The following TACC1 variants were observed in gnomAD, a reference collection of about 807,000 sequenced individuals.
TACC1 encodes transforming acidic coiled-coil-containing protein 1.
Under a neutral mutation model 84.4 loss-of-function variants are expected in TACC1, and 48 were observed. The ratio of observed to expected loss-of-function variants is 0.57; its 90% CI spans 0.45 to 0.72. The LOEUF is 0.72. Among genes scored for constraint, TACC1 ranks in the 30% least tolerant of loss-of-function variants. TACC1 has a pLI of 0.00. For missense variants in TACC1, 920 were observed against 973.0 expected (o/e 0.95, Z 0.72); for synonymous variants, 372 against 376.3 (o/e 0.99, Z 0.13).
At chr8:38,826,290 A>G (rs1828028922) in intron 4 of TACC1, among the ~76,000 whole-genome samples, 1 of 152,210 alleles carries the variant, frequency 6.6e-6, no homozygotes, top group Non-Finnish European at 1.5e-5. Flanking sequence ...AGTAGGCAGC[A>G]AGAACTATGA....
chr8:38,780,229 A>G (rs1247910879), intron 3 of TACC1, among the ~76,000 whole-genome samples: 2 of 152,338 alleles, frequency 1.3e-5, no homozygotes, highest in African/African-American at 4.8e-5. Context: ...CATCTAATCC[A>G]TCTGGAATTT....
At chr8:38,792,120 A>C (rs1173772804) in intron 2 of TACC1, among the ~76,000 whole-genome samples, 2 of 152,278 alleles carry the variant, frequency 1.3e-5, no homozygotes, top group Non-Finnish European at 2.9e-5. Flanking sequence ...TCCTGGAAAT[A>C]ACCAGACTGG....
chr8:38,746,504 T>C (rs182736311), intron 3 of TACC1, among the ~76,000 whole-genome samples: 4 of 152,356 alleles, frequency 2.6e-5, no homozygotes, highest in Admixed American at 1.3e-4. Flanking sequence ...CCCTCTGAGA[T>C]TTCAATTACA....
At chr8:38,840,471 C>G (rs1349340484) in intron 9 of TACC1, 1 of 446,912 alleles carries the variant, frequency 2.2e-6, no homozygotes, top group South Asian at 3.3e-5. Context: ...GGCTAGCTCT[C>G]TGGGGTCTCT....
At position 38,787,347 on chromosome 8, in the gene TACC1, C is replaced by T; in HGVS notation, c.-236C>T. 1.5e-6 allele frequency: 2 copies of T among 1,302,242 alleles called. No homozygotes were observed. Among genetic ancestry groups the T allele is most frequent in the Non-Finnish European group, 9.7e-7 (1 of 1,028,642 alleles). The allele number at this position is 1,302,242 out of a possible 1,614,324, so 80.7% of individuals were successfully genotyped here. ...TCTTCCCGGCTAGTGGAGCCCGGCG[C>T]GGGGCCCGCTGCGGCCGCACCGTGA... On this transcript the variant is annotated 5_prime_UTR_variant, in exon 1 of 13. Coordinates refer to ENST00000317827, the MANE Select transcript of TACC1 (RefSeq NM_006283.3).
At chr8:38,827,029 T>A (rs1206593634) in intron 4 of TACC1, 139 bp from the exon 5 acceptor site, 3 of 670,744 alleles carry the variant, frequency 4.5e-6, no homozygotes, top group African/African-American at 1.8e-5. Flanking sequence ...AACTTCCTCC[T>A]TGCTTTGTAC....
chr8:38,816,402 G>C (rs1825445216), intron 2 of TACC1, among the ~76,000 whole-genome samples: 1 of 152,056 alleles, frequency 6.6e-6, no homozygotes, highest in Non-Finnish European at 1.5e-5. Context: ...GCACCAACTG[G>C]GTTTCCAAAA....
chr8:38,757,553 G>A (rs1810344067), intron 3 of TACC1: 1 of 1,089,570 alleles, frequency 9.2e-7, no homozygotes, highest in Non-Finnish European at 1.1e-6. Context: ...CGGCAGCGGG[G>A]CACGAGAGTT....
intron 6 of TACC1, among the ~76,000 whole-genome samples, chr8:38,831,565 G>T (rs1002966795): frequency 1.3e-5 from 2 of 152,050 alleles, no homozygotes; most frequent in Admixed American, 1.3e-4. Flanking sequence ...GTGCAATCTT[G>T]GCTAACTGCA....
At chr8:38,832,735 G>A (rs1016147849) in intron 6 of TACC1, among the ~76,000 whole-genome samples, 1 of 152,162 alleles carries the variant, frequency 6.6e-6, no homozygotes, top group Non-Finnish European at 1.5e-5. Flanking sequence ...AGTTTTAAAT[G>A]TTTTAAAAGG....
chr8:38,817,055 C>T (rs1403800498), intron 2 of TACC1, among the ~76,000 whole-genome samples: 1 of 152,190 alleles, frequency 6.6e-6, no homozygotes, highest in African/African-American at 2.4e-5. Context: ...TGTAGGAGCT[C>T]TGTGCCAGGA....
intron 2 of TACC1, among the ~76,000 whole-genome samples, chr8:38,810,448 T>G (rs1823819059): frequency 6.6e-6 from 1 of 151,938 alleles, no homozygotes; most frequent in Non-Finnish European, 1.5e-5. Context: ...AAATTCTTTT[T>G]TTTAATTAGC....
chr8:38,731,737 AAACAACAACAAC>A lies in TACC1; in HGVS notation c.-675+3087_-675+3098del, dbSNP rs56770897. Reference sequence around the variant, plus strand: ...GCTGTTCTCCCAGAGATAAAACTGAAAACAACAACAACAACAACAACAACAACAACAAAACTA... The same window carrying A: ...GCTGTTCTCCCAGAGATAAAACTGAAAACAACAACAACAACAACAAAACTA... On this transcript the variant is annotated intron_variant, in intron 1 of 14. Transcript: ENST00000518415. 4.1e-3 allele frequency among the ~76,000 whole-genome samples: 549 copies of A among 133,148 alleles called. 2 individuals carry two copies. The highest frequency in any genetic ancestry group is 0.013 in the African/African-American group (511 of 38,394). 87.4% of individuals were successfully genotyped at this position (133,148 alleles called of 152,430 possible).
At chr8:38,837,372 G>A (rs1830441144) in intron 7 of TACC1, among the ~76,000 whole-genome samples, 1 of 151,944 alleles carries the variant, frequency 6.6e-6, no homozygotes, top group African/African-American at 2.4e-5. Flanking sequence ...GTGGTGAGCC[G>A]AGATCGCACC....
rs1832851137 is a variant in TACC1, at chr8:38,849,781, T to A, written c.*1758T>A. 6.6e-6 allele frequency: 1 copy of A among 152,622 alleles called. No homozygotes were observed. The highest frequency in any genetic ancestry group is 1.5e-5 in the Non-Finnish European group (1 of 68,034). 9.5% of individuals were successfully genotyped at this position (152,622 alleles called of 1,614,324 possible). A position where few individuals can be genotyped will look rare whatever the true frequency, so the allele number is the denominator to read the frequency against. ...AAAAAAGAACAACAGAAATTATCTG[T>A]CATTTGAGAAGTGGCTTGACAATCA... On this transcript the variant is annotated 3_prime_UTR_variant, in exon 13 of 13. Transcript: ENST00000317827.
At chr8:38,764,019 C>G (rs1811727683) in intron 3 of TACC1, among the ~76,000 whole-genome samples, 1 of 152,162 alleles carries the variant, frequency 6.6e-6, no homozygotes, top group Non-Finnish European at 1.5e-5. Context: ...TCCCTCCTCC[C>G]CACAATTAAT....
At chr8:38,730,657 C>T (rs1041121833) in intron 1 of TACC1, among the ~76,000 whole-genome samples, 2 of 152,214 alleles carry the variant, frequency 1.3e-5, no homozygotes, top group Non-Finnish European at 2.9e-5. Flanking sequence ...GCCCCCTCCC[C>T]CTGAGTCTGA....
rs1826514905 is a variant in TACC1, at chr8:38,820,470, T to C, written c.1226T>C (p.Leu409Pro). Residue 409 changes from leucine to proline, a missense_variant, in exon 3 of 13, where the codon CTC becomes CCC. This residue lies in a region of TACC1 where 762 missense variants were observed against 747.3 expected (regional missense o/e 1.02). Transcript: ENST00000317827. Reference sequence around the variant, plus strand: ...TCTGTTCTGCAGAACTCCCCACCCCTCTCTTCTGAGGGCTCCTACCACTTT... The same window carrying C: ...TCTGTTCTGCAGAACTCCCCACCCCCCTCTTCTGAGGGCTCCTACCACTTT... ...SHSVLQNSPP[L>P]SSEGSYHFDP... 1.2e-6 allele frequency: 2 copies of C among 1,614,088 alleles called. No individual in the cohort carries two copies. The highest frequency in any genetic ancestry group is 8.5e-7 in the Non-Finnish European group (1 of 1,180,014).
chr8:38,764,760 G>T (rs1811900662), intron 3 of TACC1, among the ~76,000 whole-genome samples: 2 of 151,702 alleles, frequency 1.3e-5, no homozygotes, highest in Admixed American at 1.3e-4. Context: ...TGAGGTCAGG[G>T]GTTTGATACC....
Sources: allele counts gnomAD v4.1 joint callset (sites outside exome capture counted in the v4.1 genomes callset), GRCh38; gene constraint gnomAD v4.1.1; regional missense constraint gnomAD v4.1.1; transcripts MANE v1.5; gene names NCBI Gene and HGNC (gene_info 2026-07-23, HGNC 2026-07-21).